PRDM1: variants seen among roughly 807,000 people sequenced by gnomAD.
PRDM1 encodes PR domain zinc finger protein 1.
Under a neutral mutation model 62.8 loss-of-function variants are expected in PRDM1, and 13 were observed. The ratio of observed to expected loss-of-function variants is 0.21; its 90% CI spans 0.13 to 0.33. The LOEUF (loss-of-function observed/expected upper bound fraction) is 0.33. Among genes scored for constraint, PRDM1 ranks in the 10% least tolerant of loss-of-function variants. The pLI is 1.00. For missense variants in PRDM1, 895 were observed against 1,058.8 expected, an observed-to-expected ratio of 0.85 and a Z score of 2.15; for synonymous variants, 396 against 417.6, an observed-to-expected ratio of 0.95 and a Z score of 0.63.
chr6:106,093,024 G>A (rs937522070), intron 2 of PRDM1, among the ~76,000 whole-genome samples: 2 of 152,128 alleles, frequency 1.3e-5, no homozygotes, highest in African/African-American at 4.8e-5. Context: ...TCTTTAATTT[G>A]TCTGGGGTTT....
rs3833461 is a variant in PRDM1 at position 106,108,892 on chromosome 6, ATG to A, written c.*1409_*1410del. ...CTTCTCTAGAGGAGAAACCGAGTAA[ATG>A]TGCTCCAGCAAGATAGACTTTGTGT... On this transcript the variant is annotated 3_prime_UTR_variant, in exon 7 of 7. Transcript: ENST00000369096. 653 of 231,222 alleles carry A rather than the reference ATG, an allele frequency of 2.8e-3. 14 individuals carry two copies. In the East Asian group the frequency reaches 0.037, roughly 13 times the overall value. The allele number at this position is 231,222 out of a possible 1,614,324, so 14.3% of individuals were successfully genotyped here. A position where few individuals can be genotyped will look rare whatever the true frequency, so the allele number is the denominator to read the frequency against.
At chr6:106,015,366 A>G (rs1213507624) in intron 1 of PRDM1, among the ~76,000 whole-genome samples, 2 of 152,228 alleles carry the variant, frequency 1.3e-5, no homozygotes, top group African/African-American at 2.4e-5. Context: ...TGGGCAAAGA[A>G]AATGTCTGTC....
intron 2 of PRDM1, among the ~76,000 whole-genome samples, chr6:106,094,282 A>G (rs989506914): frequency 2.0e-5 from 3 of 152,242 alleles, no homozygotes; most frequent in African/African-American, 7.2e-5. Flanking sequence ...AGAATTCAGT[A>G]AAGTGATAGG....
intron 1 of PRDM1, among the ~76,000 whole-genome samples, chr6:106,030,047 G>A (rs1032797125): frequency 6.6e-6 from 1 of 152,064 alleles, no homozygotes; most frequent in East Asian, 1.9e-4. Context: ...TAGAAAATTG[G>A]TTTATGTTTT....
chr6:106,082,654 T>A (rs1311582543), upstream of PRDM1, among the ~76,000 whole-genome samples: 7 of 152,122 alleles, frequency 4.6e-5, no homozygotes, highest in Non-Finnish European at 7.4e-5. Context: ...ATTCCTAGGG[T>A]GGGAAGGGAG....
intron 1 of PRDM1, among the ~76,000 whole-genome samples, chr6:106,010,970 G>C (rs1772538219): frequency 6.6e-6 from 1 of 152,130 alleles, no homozygotes; most frequent in Admixed American, 6.5e-5. Flanking sequence ...CACATCTGGG[G>C]ATTTCAGCTG....
chr6:106,005,129 C>T (rs1466343266), intron 1 of PRDM1, among the ~76,000 whole-genome samples: 1 of 152,146 alleles, frequency 6.6e-6, no homozygotes, highest in African/African-American at 2.4e-5. Context: ...GTTTAAACAC[C>T]TCTTATCAAA....
chr6:106,019,788 C>G (rs927861865), intron 1 of PRDM1, among the ~76,000 whole-genome samples: 1 of 151,600 alleles, frequency 6.6e-6, no homozygotes, highest in Non-Finnish European at 1.5e-5. Flanking sequence ...TACAGGCGCC[C>G]GCCACCATGA....
intron 1 of PRDM1, among the ~76,000 whole-genome samples, chr6:106,068,174 C>T (rs1773462045): frequency 6.6e-6 from 1 of 150,888 alleles, no homozygotes; most frequent in African/African-American, 2.4e-5. Context: ...TCACTGCAAC[C>T]TCTGCCTCCT....
intron 1 of PRDM1, among the ~76,000 whole-genome samples, chr6:106,004,374 T>C (rs1175746822): frequency 6.6e-6 from 1 of 152,246 alleles, no homozygotes; most frequent in African/African-American, 2.4e-5. Context: ...TCAGAGCTTC[T>C]TGGTTTAGAA....
At chr6:106,082,015 C>T (rs888100228), upstream of PRDM1, among the ~76,000 whole-genome samples, 1 of 152,180 alleles carries the variant, frequency 6.6e-6, no homozygotes, top group Admixed American at 6.5e-5. Context: ...GGCTTCTCCT[C>T]CCACTGAAAG....
Position 106,086,606 on chromosome 6 carries a change from T to C in PRDM1, c.42+11T>C. ...GTGGGTACGACCTTGGTAAGGAACTTGAATTTTTTTTTTTTAATTCTGAAA... is the reference window on the plus strand; with the variant it reads ...GTGGGTACGACCTTGGTAAGGAACTCGAATTTTTTTTTTTTAATTCTGAAA... On this transcript the variant is annotated intron_variant, in intron 1 of 6. Coordinates refer to ENST00000369096, the MANE Select transcript of PRDM1 (RefSeq NM_001198.4). 1 of 1,547,998 alleles carries C rather than the reference T, an allele frequency of 6.5e-7. No individual in the cohort carries two copies. The highest frequency in any genetic ancestry group is 1.2e-5 in the South Asian group (1 of 83,570).
intron 1 of PRDM1, among the ~76,000 whole-genome samples, chr6:106,020,413 C>T (rs1487819264): frequency 2.0e-5 from 3 of 151,936 alleles, no homozygotes; most frequent in African/African-American, 7.3e-5. Flanking sequence ...GATCCTCCCG[C>T]CTCGGCCTCC....
upstream of PRDM1, among the ~76,000 whole-genome samples, chr6:106,082,978 T>C (rs1412891923): frequency 6.6e-6 from 1 of 152,142 alleles, no homozygotes; most frequent in Admixed American, 6.5e-5. Context: ...ATACTCGCTC[T>C]TCTTGTCCGG....
At chr6:106,069,799 T>C (rs1214101188) in intron 1 of PRDM1, among the ~76,000 whole-genome samples, 1 of 152,240 alleles carries the variant, frequency 6.6e-6, no homozygotes, top group Non-Finnish European at 1.5e-5. Context: ...CTGACTTTAG[T>C]GGAAGAGGTT....
At chr6:106,072,765 G>A (rs535877431) in intron 1 of PRDM1, among the ~76,000 whole-genome samples, 2 of 152,304 alleles carry the variant, frequency 1.3e-5, no homozygotes, top group African/African-American at 4.8e-5. Flanking sequence ...ATGACGTGGT[G>A]GATTGAGCTG....
chr6:106,104,877 C>T lies in PRDM1; in HGVS notation c.717C>T (p.Cys239=), dbSNP rs1256495349. ...CGAGCACTGAGAAAAATGAACTCTG[C>T]CCAAAGAATGTCCCAAAGAGAGAGT... ...KQPSTEKNEL[C]PKNVPKREYS... Residue 239 remains cysteine, a synonymous_variant, in exon 5 of 7, where the codon TGC becomes TGT. Coordinates refer to ENST00000369096, the MANE Select transcript of PRDM1 (RefSeq NM_001198.4). The T allele has an allele frequency of 2.5e-6, 4 of 1,613,890 alleles. No homozygotes were observed. The highest frequency in any genetic ancestry group is 3.4e-6 in the Non-Finnish European group (4 of 1,179,974).
chr6:106,060,008 A>G (rs1773320535), intron 1 of PRDM1, among the ~76,000 whole-genome samples: 1 of 152,218 alleles, frequency 6.6e-6, no homozygotes, highest in Non-Finnish European at 1.5e-5. Context: ...ATGTCCAAAT[A>G]AAGTTGGCAA....
intron 2 of PRDM1, among the ~76,000 whole-genome samples, chr6:106,095,267 A>C (rs1365773405): frequency 1.3e-5 from 2 of 152,338 alleles, no homozygotes; most frequent in East Asian, 1.9e-4. Flanking sequence ...AATCTTGACC[A>C]TCTAATTCTG....
Sources: gnomAD v4.1 joint callset for allele counts (sites outside exome capture counted in the v4.1 genomes callset) on GRCh38, gnomAD v4.1.1 for gene constraint, MANE v1.5 for transcripts, NCBI Gene and HGNC (gene_info 2026-07-23, HGNC 2026-07-21) for gene names.